The following DENND4A variants were observed in gnomAD, a reference collection of about 807,000 sequenced individuals.
DENND4A encodes DENN domain containing 4A, also known as C-myc promoter-binding protein.
In DENND4A, 70 loss-of-function variants were observed where a neutral mutation model predicts 199.3. The observed-to-expected ratio is 0.35, with a 90% confidence interval of 0.29 to 0.43. The LOEUF (loss-of-function observed/expected upper bound fraction) is 0.43, where lower values mean the gene tolerates loss of function less well. Among genes scored for constraint, DENND4A ranks in the 20% least tolerant of loss-of-function variants. The pLI, the probability that DENND4A is intolerant of heterozygous loss-of-function variation, is 1.00. For missense variants in DENND4A, 1,723 were observed against 2,255.8 expected (o/e 0.76, Z 4.78); for synonymous variants, 686 against 766.9 (o/e 0.89, Z 1.74).
chr15:65,697,228 T>A lies in DENND4A; in HGVS notation c.2950+39A>T, dbSNP rs747542567. The A allele has an allele frequency of 4.8e-6, 6 of 1,249,046 alleles. No individual in the cohort carries two copies. In the South Asian group the frequency reaches 6.7e-5, roughly 14 times the overall value. The allele number at this position is 1,249,046 out of a possible 1,614,324, so 77.4% of individuals were successfully genotyped here. The stretch of plus-strand genomic sequence containing the variant: ...CACCTGCATTTTCTATGAATATAAG[T>A]TCTCAATTTTATACAATATCAACTT... On this transcript the variant is annotated intron_variant, in intron 21 of 32. Transcript: ENST00000443035.
intron 1 of DENND4A, chr15:65,771,942 C>G (rs1489555172): frequency 6.3e-7 from 1 of 1,597,548 alleles, no homozygotes. Flanking sequence ...AAGCTTTTTT[C>G]AAATCTTCAT....
intron 14 of DENND4A, among the ~76,000 whole-genome samples, chr15:65,709,045 C>T (rs144912217): frequency 0.013 from 1,975 of 152,226 alleles, 19 homozygotes; most frequent in Admixed American, 0.024. Flanking sequence ...CAGTATCACA[C>T]GTCTAATTTT....
At chr15:65,761,990 G>T (rs1159708958) in intron 1 of DENND4A, among the ~76,000 whole-genome samples, 1 of 152,160 alleles carries the variant, frequency 6.6e-6, no homozygotes, top group East Asian at 1.9e-4. Flanking sequence ...GGATTGAAAA[G>T]ATGTTTTTTG....
At chr15:65,715,719 T>C in intron 13 of DENND4A, 96 bp from the exon 14 acceptor site, 1 of 1,193,594 alleles carries the variant, frequency 8.4e-7, no homozygotes. Context: ...CCATGTCATC[T>C]ATACCTCCCA....
intron 18 of DENND4A, among the ~76,000 whole-genome samples, chr15:65,701,441 C>T (rs1328182654): frequency 2.0e-5 from 3 of 151,960 alleles, no homozygotes; most frequent in South Asian, 2.1e-4. Context: ...GTGGCACATG[C>T]CTGTAGTCCC....
rs775065021 is a variant in DENND4A, at chr15:65,666,479, C to G, written c.5241+970G>C. The stretch of plus-strand genomic sequence containing the variant: ...AATTTCATCATGCTACTCAGAACAG[C>G]ATGCAATTTAAAACTTATGAAGTGT... On this transcript the variant is annotated intron_variant, in intron 29 of 32. Coordinates refer to ENST00000443035, the MANE Select transcript of DENND4A (RefSeq NM_001320835.1). Among the ~76,000 whole-genome samples the G allele has an allele frequency of 1.4e-4, 21 of 152,178 alleles. 1 individual carries two copies. Among genetic ancestry groups the G allele is most frequent in the Admixed American group, 4.6e-4 (7 of 15,282 alleles).
chr15:65,682,973 T>C (rs908149908), intron 23 of DENND4A, among the ~76,000 whole-genome samples: 1 of 152,168 alleles, frequency 6.6e-6, no homozygotes, highest in African/African-American at 2.4e-5. Flanking sequence ...ATTACAATAA[T>C]AACATCAAGG....
At chr15:65,757,433 C>A (rs1384936757) in intron 2 of DENND4A, among the ~76,000 whole-genome samples, 1 of 152,034 alleles carries the variant, frequency 6.6e-6, no homozygotes, top group Non-Finnish European at 1.5e-5. Flanking sequence ...GCACTTCAGA[C>A]CACATAGATA....
At position 65,664,551 on chromosome 15, in the gene DENND4A, A is replaced by T; in HGVS notation, c.5522+9T>A. On this transcript the variant is annotated intron_variant, in intron 31 of 32. Coordinates refer to ENST00000443035, the MANE Select transcript of DENND4A (RefSeq NM_001320835.1). ...GAGAACAATATATTCGTCTAAGAGA[A>T]GGACTTACCTCTGTCTTTTAAAATG... 6.2e-7 allele frequency: 1 copy of T among 1,609,178 alleles called. No individual in the cohort carries two copies. Among genetic ancestry groups the T allele is most frequent in the Non-Finnish European group, 8.5e-7 (1 of 1,177,078 alleles).
Position 65,701,782 on chromosome 15 carries a change from TA to T in DENND4A, c.2538del (p.Thr847LeufsTer28). 6.2e-7 allele frequency: 1 copy of T among 1,613,614 alleles called. No individual in the cohort carries two copies. ...TTTACCTTATTATAATAACCATAAG[TA>T]ATGGCATTGGGGTCAATACCAGCTT... The part of the protein sequence containing the change: ...MQKAGIDPNA[I>X]TYGYYNKAVL... On this transcript the variant is annotated frameshift_variant, in exon 18 of 33. Transcript: ENST00000443035. LOFTEE classifies it high-confidence loss of function.
chr15:65,727,551 C>A (rs1304943656), intron 11 of DENND4A, among the ~76,000 whole-genome samples: 1 of 151,806 alleles, frequency 6.6e-6, no homozygotes, highest in Non-Finnish European at 1.5e-5. Context: ...TGCTTGATCC[C>A]AGAAATTTGG....
At chr15:65,779,414 C>A (rs1452644549) in intron 1 of DENND4A, among the ~76,000 whole-genome samples, 1 of 150,368 alleles carries the variant, frequency 6.7e-6, no homozygotes, top group Non-Finnish European at 1.5e-5. Flanking sequence ...CGAGATTGCA[C>A]CCCAGCCTGG....
rs1397500323 is a variant in DENND4A, at chr15:65,756,227, G to C, written c.224C>G (p.Ala75Gly). 6.2e-7 allele frequency: 1 copy of C among 1,612,192 alleles called. No individual in the cohort carries two copies. Among genetic ancestry groups the C allele is most frequent in the South Asian group, 1.1e-5 (1 of 90,738 alleles). The change falls in exon 3 of 33, where the codon GCT becomes GGT. Residue 75 changes from alanine to glycine, a missense_variant. Around this residue, in one of 6 missense-constraint regions of DENND4A, gnomAD observed 725 missense variants for 952.9 expected, o/e 0.76. Coordinates refer to ENST00000443035, the MANE Select transcript of DENND4A (RefSeq NM_001320835.1). ...CACAAGACTTCCATTATTAAGATCA[G>C]CTGACAATCCAGTTGGGGTAACATC... is the stretch of plus-strand genomic sequence containing the variant. ...CIDVTPTGLS[A>G]DLNNGSLVGP...
intron 29 of DENND4A, among the ~76,000 whole-genome samples, chr15:65,667,161 C>T (rs1158469987): frequency 6.6e-6 from 1 of 152,062 alleles, no homozygotes; most frequent in Non-Finnish European, 1.5e-5. Flanking sequence ...GAAACCCCGT[C>T]TCTACTAAAA....
At chr15:65,722,765 A>G (rs1403259089) in intron 12 of DENND4A, 83 bp downstream of exon 12, 11 of 1,095,800 alleles carry the variant, frequency 1.0e-5, no homozygotes, top group Non-Finnish European at 1.3e-5. Flanking sequence ...CTAGATAAAC[A>G]TTATTCTTTT....
At chr15:65,773,162 C>T (rs1186206210) in intron 1 of DENND4A, among the ~76,000 whole-genome samples, 1 of 152,174 alleles carries the variant, frequency 6.6e-6, no homozygotes, top group African/African-American at 2.4e-5. Context: ...AGGTTTGTTT[C>T]ATATTTGTTC....
At position 65,699,687 on chromosome 15, in the gene DENND4A, AT is replaced by A. The variant is rs955362792; in HGVS notation, c.2833+856del. On this transcript the variant is annotated intron_variant, in intron 20 of 32. Transcript: ENST00000443035. The stretch of plus-strand genomic sequence containing the variant: ...TATATTATTTTATATATATATATAA[AT>A]TTTTTTTTTGAGACAGGGTCTCGCT... Among the ~76,000 whole-genome samples the A allele has an allele frequency of 1.7e-4, 25 of 146,308 alleles. No homozygotes were observed. The South Asian group carries it at 3.8e-3, about 22-fold the overall frequency.
intron 9 of DENND4A, 142 bp from the exon 10 acceptor site, chr15:65,729,820 C>A: frequency 1.4e-6 from 1 of 728,048 alleles, no homozygotes; most frequent in African/African-American, 1.8e-5. Flanking sequence ...TATATATTCA[C>A]CGTTAAACAT....
rs982840635 is a variant in DENND4A at position 65,660,641 on chromosome 15, A to C, written c.*1210T>G. ...TTTTTAAAGCTATTTAATACTCATG[A>C]TGTCTAAACTTTCAATTTATTGTCT... On this transcript the variant is annotated 3_prime_UTR_variant, in exon 33 of 33. Coordinates refer to ENST00000443035, the MANE Select transcript of DENND4A (RefSeq NM_001320835.1). The C allele has an allele frequency of 1.5e-5, 3 of 203,098 alleles. No homozygotes were observed. The highest frequency in any genetic ancestry group is 6.9e-5 in the African/African-American group (3 of 43,480). 12.6% of individuals were successfully genotyped at this position (203,098 alleles called of 1,614,324 possible).
Sources: gnomAD v4.1 joint callset for allele counts (sites outside exome capture counted in the v4.1 genomes callset) on GRCh38, gnomAD v4.1.1 for gene constraint, gnomAD v4.1.1 regional missense constraint, MANE v1.5 for transcripts, NCBI Gene and HGNC (gene_info 2026-07-23, HGNC 2026-07-21) for gene names.